Variants in RBFOX1 observed in about 807,000 individuals in gnomAD.
RBFOX1 encodes the protein RNA binding fox-1 homolog 1.
RBFOX1 carries 8 observed loss-of-function variants against 57.7 expected under a neutral mutation model. The observed-to-expected ratio is 0.14, with a 90% CI of 0.08 to 0.25. The LOEUF (loss-of-function observed/expected upper bound fraction) is 0.25, where lower values mean the gene tolerates loss of function less well. RBFOX1 is among the 10% of genes least tolerant of loss of function. The pLI is 1.00. For synonymous variants in RBFOX1, 326 were observed against 222.4 expected (o/e 1.47, Z -4.15); for missense variants, 611 against 548.5 (o/e 1.11, Z -1.14).
intron 4 of RBFOX1, among the ~76,000 whole-genome samples, chr16:7,186,907 C>T (rs1198557989): frequency 6.9e-6 from 1 of 145,398 alleles, no homozygotes; most frequent in Non-Finnish European, 1.5e-5. Flanking sequence ...CTTGTAATTT[C>T]AGCACTTTGG....
intron 11 of RBFOX1, among the ~76,000 whole-genome samples, chr16:7,640,311 C>T (rs1322195813): frequency 1.3e-5 from 2 of 152,346 alleles, no homozygotes; most frequent in South Asian, 2.1e-4. Flanking sequence ...GAGGCAGCCA[C>T]ATTTCAGGCA....
At chr16:7,261,806 T>C (rs918293616) in intron 4 of RBFOX1, among the ~76,000 whole-genome samples, 1 of 152,176 alleles carries the variant, frequency 6.6e-6, no homozygotes, top group African/African-American at 2.4e-5. Flanking sequence ...CTGGAGAGCT[T>C]TGAAAGCATT....
chr16:7,000,463 T>C (rs2092681233), intron 3 of RBFOX1, among the ~76,000 whole-genome samples: 1 of 152,182 alleles, frequency 6.6e-6, no homozygotes, highest in Non-Finnish European at 1.5e-5. Context: ...GTTTTGCTAA[T>C]TGCATTCTTT....
intron 6 of RBFOX1, among the ~76,000 whole-genome samples, chr16:7,586,924 T>C (rs529222055): frequency 6.6e-6 from 1 of 152,348 alleles, no homozygotes; most frequent in South Asian, 2.1e-4. Context: ...ACCAGAAGGA[T>C]CATTGTATGT....
intron 3 of RBFOX1, among the ~76,000 whole-genome samples, chr16:6,806,838 T>A (rs191362180): frequency 0.046 from 2,224 of 47,832 alleles, 35 homozygotes; most frequent in African/African-American, 0.13. Flanking sequence ...ATATATATAT[T>A]TTTTTTTTTT....
At chr16:7,703,154 G>A (rs114800696) in intron 14 of RBFOX1, among the ~76,000 whole-genome samples, 1,914 of 152,280 alleles carry the variant, frequency 0.013, 57 homozygotes, top group African/African-American at 0.043. Context: ...GTAAGTGTGC[G>A]ACTTGCATGG....
intron 4 of RBFOX1, among the ~76,000 whole-genome samples, chr16:7,461,303 G>A (rs1844339632): frequency 6.6e-6 from 1 of 151,990 alleles, no homozygotes; most frequent in Non-Finnish European, 1.5e-5. Flanking sequence ...AAGTAGCTGG[G>A]ATTACAGATA....
At chr16:5,834,687 G>GTAGATAGATAGATAGATAGATAGA (rs151197873) in intron 3 of RBFOX1, among the ~76,000 whole-genome samples, 47 of 134,866 alleles carry the variant, frequency 3.5e-4, no homozygotes, top group Admixed American at 3.7e-4. Context: ...AATGGGATAG[G>GTAGATAGATAGATAGATAGATAGA]TAGATAGATA....
chr16:5,851,208 C>G (rs1311979877), intron 3 of RBFOX1, among the ~76,000 whole-genome samples: 1 of 152,144 alleles, frequency 6.6e-6, no homozygotes, highest in African/African-American at 2.4e-5. Context: ...ATGGTTGTAC[C>G]TTGTATTCCA....
Position 6,097,175 on chromosome 16 carries a change from G to A in RBFOX1, c.-127+77183G>A, listed in dbSNP as rs571270834. On this transcript the variant is annotated intron_variant, in intron 1 of 15. Transcript: ENST00000550418. This position sits in a 1 kb window ranked among gnomAD's most constrained non-coding sequence, Gnocchi z 5.0. ...TTTCCTGTCTGCTGCCTTGTAAGAC[G>A]TGACTTTCGCTTTCTGCCATGATTG... Among the ~76,000 whole-genome samples the A allele has an allele frequency of 7.2e-5, 11 of 152,236 alleles. No individual in the cohort carries two copies. In the South Asian group the frequency reaches 2.1e-3, roughly 29 times the overall value.
chr16:7,525,736 C>G (rs957090017), intron 5 of RBFOX1, among the ~76,000 whole-genome samples: 5 of 152,134 alleles, frequency 3.3e-5, no homozygotes, highest in Non-Finnish European at 5.9e-5. Context: ...CTCCTGTGGT[C>G]CAAAGATCAT....
chr16:6,962,110 A>T (rs912507719), intron 3 of RBFOX1, among the ~76,000 whole-genome samples: 3 of 152,206 alleles, frequency 2.0e-5, no homozygotes, highest in Admixed American at 6.5e-5. Context: ...ATCAGGCTGT[A>T]TCCAGGACCA....
rs184606078 is a variant in RBFOX1, at chr16:5,939,156, G to T, written c.351+71821G>T. 2.6e-5 allele frequency among the ~76,000 whole-genome samples: 4 copies of T among 152,252 alleles called. No homozygotes were observed. In the East Asian group the frequency reaches 7.7e-4, roughly 29 times the overall value. ...TACCTCATGTAAATGATGAATTAATGGGTACAGCACACCAACATGGCATAT... is the reference window on the plus strand; with the variant it reads ...TACCTCATGTAAATGATGAATTAATTGGTACAGCACACCAACATGGCATAT... On this transcript the variant is annotated intron_variant, in intron 4 of 19. Transcript: ENST00000641259.
chr16:5,815,040 G>T (rs1325394256), intron 3 of RBFOX1, among the ~76,000 whole-genome samples: 1 of 151,454 alleles, frequency 6.6e-6, no homozygotes, highest in Non-Finnish European at 1.5e-5. Flanking sequence ...CTGAAGTGCA[G>T]TGGCATGATT....
chr16:6,725,557 G>A (rs2154168462), intron 3 of RBFOX1, among the ~76,000 whole-genome samples: 1 of 152,190 alleles, frequency 6.6e-6, no homozygotes, highest in Non-Finnish European at 1.5e-5. Flanking sequence ...TCCACCCCCT[G>A]TTTAGCATAT....
intron 4 of RBFOX1, among the ~76,000 whole-genome samples, chr16:7,341,430 G>T (rs1443672614): frequency 6.6e-6 from 1 of 152,074 alleles, no homozygotes; most frequent in Non-Finnish European, 1.5e-5. Flanking sequence ...GGAGGTATTG[G>T]GATGATCAAG....
intron 3 of RBFOX1, among the ~76,000 whole-genome samples, chr16:6,771,983 C>T (rs141984486): frequency 2.5e-4 from 38 of 152,240 alleles, no homozygotes; most frequent in Middle Eastern, 3.4e-3. Flanking sequence ...ATAATTGAAA[C>T]GGAAAGACTC....
At chr16:6,387,039 A>C (rs377705742) in intron 2 of RBFOX1, among the ~76,000 whole-genome samples, 24 of 152,188 alleles carry the variant, frequency 1.6e-4, no homozygotes, top group African/African-American at 5.8e-4. Context: ...CTGGAGAGGA[A>C]CTTGGACTTT....
At chr16:6,961,308 C>A (rs1021942773) in intron 3 of RBFOX1, among the ~76,000 whole-genome samples, 1 of 152,218 alleles carries the variant, frequency 6.6e-6, no homozygotes, top group East Asian at 1.9e-4. Context: ...TGCAGACAGT[C>A]CTGGCCATGC....
Sources: gnomAD v4.1 joint callset for allele counts (sites outside exome capture counted in the v4.1 genomes callset) on GRCh38, gnomAD v4.1.1 for gene constraint, Gnocchi (gnomAD v3.1) non-coding constraint, MANE v1.5 for transcripts, NCBI Gene and HGNC (gene_info 2026-07-23, HGNC 2026-07-21) for gene names.